The following DGKQ variants were observed in gnomAD, a reference collection of about 807,000 sequenced individuals.
DGKQ encodes the protein diacylglycerol kinase theta.
A neutral mutation model predicts 104.2 loss-of-function variants in DGKQ; 97 were observed. The observed-to-expected ratio is 0.93, with a 90% confidence interval of 0.79 to 1.10. The LOEUF is 1.10. DGKQ is among the 50% of genes least tolerant of loss of function. The probability of loss-of-function intolerance (pLI) is 0.00; values close to 1 mark genes in which losing one functional copy is unlikely to be tolerated. For synonymous variants in DGKQ, 736 were observed against 595.2 expected (o/e 1.24, Z -3.44); for missense variants, 1,465 against 1,352.1 (o/e 1.08, Z -1.31).
At position 962,555 on chromosome 4, in the gene DGKQ, G is replaced by A. The variant is rs748991346; in HGVS notation, c.2094C>T (p.Phe698=). ...WGAGYSGEDP[F]SVLLSVDEAD... ...CCTCGTCCACAGACAGCAGTACGGA[G>A]AACGGGTCCTCGCCGCTGTAGCCCG... Residue 698 remains phenylalanine, a synonymous_variant, in exon 18 of 23, where the codon TTC becomes TTT. Coordinates refer to ENST00000273814, the MANE Select transcript of DGKQ (RefSeq NM_001347.4). 28 of 1,610,194 alleles carry A rather than the reference G, an allele frequency of 1.7e-5. No homozygotes were observed. Among genetic ancestry groups the A allele is most frequent in the Admixed American group, 3.3e-5 (2 of 59,992 alleles).
Position 959,868 on chromosome 4 carries a change from T to G in DGKQ, c.*752A>C, listed in dbSNP as rs530479556. On this transcript the variant is annotated 3_prime_UTR_variant, in exon 23 of 23. Coordinates refer to ENST00000273814, the MANE Select transcript of DGKQ (RefSeq NM_001347.4). ...ACTCTGGTGCTGCCAGGGCAGCACC[T>G]GAGACCTCCTAGCCTCCACGTGGAC... 1.3e-5 allele frequency: 2 copies of G among 151,940 alleles called. No individual in the cohort carries two copies. The highest frequency in any genetic ancestry group is 2.0e-4 in the East Asian group (1 of 5,094). The allele number at this position is 151,940 out of a possible 1,614,324, so 9.4% of individuals were successfully genotyped here. A position where few individuals can be genotyped will look rare whatever the true frequency, so the allele number is the denominator to read the frequency against.
Position 961,777 on chromosome 4 carries a change from C to G in DGKQ, c.2373G>C (p.Arg791=). 6.2e-7 allele frequency: 1 copy of G among 1,611,560 alleles called. No homozygotes were observed. The highest frequency in any genetic ancestry group is 1.3e-5 in the African/African-American group (1 of 75,016). Reference sequence around the variant, plus strand: ...GCAGCCGGATCTGCTTGTGCAGGCTCCGAGAGTGACTGATCTTCTGCAGCC... The same window carrying G: ...GCAGCCGGATCTGCTTGTGCAGGCTGCGAGAGTGACTGATCTTCTGCAGCC... ...RVGLQKISHS[R]SLHKQIRLQV... is the part of the protein sequence containing the mutation. Residue 791 remains arginine (R), a synonymous_variant, in exon 20 of 23, where the codon CGG becomes CGC. Coordinates refer to ENST00000273814, the MANE Select transcript of DGKQ (RefSeq NM_001347.4).
At chr4:967,834 G>C (rs1193873400) in intron 6 of DGKQ, 32 bp from the exon 7 acceptor site, 1 of 1,553,026 alleles carries the variant, frequency 6.4e-7, no homozygotes, top group Non-Finnish European at 8.7e-7. Context: ...CCCTCATTCA[G>C]TGCGCAGCCC....
rs1201906337 is a variant in DGKQ at position 973,521 on chromosome 4, C to G, written c.-39G>C. 2.0e-6 allele frequency: 2 copies of G among 982,060 alleles called. No individual in the cohort carries two copies. The highest frequency in any genetic ancestry group is 1.2e-6 in the Non-Finnish European group (1 of 828,906). 60.8% of individuals were successfully genotyped at this position (982,060 alleles called of 1,614,324 possible). A position where few individuals can be genotyped will look rare whatever the true frequency, so the allele number is the denominator to read the frequency against. On this transcript the variant is annotated 5_prime_UTR_variant, in exon 1 of 23. Coordinates refer to ENST00000273814, the MANE Select transcript of DGKQ (RefSeq NM_001347.4). The stretch of plus-strand genomic sequence containing the variant: ...GGCCCGAGCCCCTTTAGGTCCGCGC[C>G]GGGGGTACAGGAGCCGCCGCTCCAC...
Position 962,456 on chromosome 4 carries a change from C to A in DGKQ, c.2193G>T (p.Thr731=). ...GTACCTTGGGGGGCTCTGCGTCTGC[C>A]GTGTCGTTCTCTGCACTGCCAGCCT... ...AHEAGSAEND[T]ADAEPPKIVQ... The change falls in exon 18 of 23, where the codon ACG becomes ACT. Residue 731 remains threonine, a synonymous_variant. Transcript: ENST00000273814. 6.3e-7 allele frequency: 1 copy of A among 1,592,734 alleles called. No homozygotes were observed.
rs1403326915 is a variant in DGKQ at position 973,537 on chromosome 4, G to GT, written c.-56_-55insA. 2.0e-6 allele frequency: 2 copies of GT among 983,516 alleles called. No individual in the cohort carries two copies. The highest frequency in any genetic ancestry group is 6.2e-5 in the Admixed American group (1 of 16,184). 60.9% of individuals were successfully genotyped at this position (983,516 alleles called of 1,614,324 possible). A position where few individuals can be genotyped will look rare whatever the true frequency, so the allele number is the denominator to read the frequency against. On this transcript the variant is annotated 5_prime_UTR_variant, in exon 1 of 23. Coordinates refer to ENST00000273814, the MANE Select transcript of DGKQ (RefSeq NM_001347.4). Reference sequence around the variant, plus strand: ...GGTCCGCGCCGGGGGTACAGGAGCCGCCGCTCCACGGCCCGGTACACTGCT... The same window carrying GT: ...GGTCCGCGCCGGGGGTACAGGAGCCGTCCGCTCCACGGCCCGGTACACTGCT...
chr4:959,609 G>A lies in DGKQ; in HGVS notation c.*1011C>T, dbSNP rs1711724440. ...GTCTCCACACGCTGACGAGGGATAG[G>A]ACTGAGCAGATGTCGGCTCACACAG... On this transcript the variant is annotated 3_prime_UTR_variant, in exon 23 of 23. Transcript: ENST00000273814. 1 of 152,548 alleles carries A rather than the reference G, an allele frequency of 6.6e-6. No individual in the cohort carries two copies. The highest frequency in any genetic ancestry group is 1.5e-5 in the Non-Finnish European group (1 of 68,252). 9.4% of individuals were successfully genotyped at this position (152,548 alleles called of 1,614,324 possible).
Position 962,082 on chromosome 4 carries a change from T to A in DGKQ, c.2215A>T (p.Ile739Phe). The A allele has an allele frequency of 6.2e-7, 1 of 1,610,726 alleles. No homozygotes were observed. Among genetic ancestry groups the A allele is most frequent in the Non-Finnish European group, 8.5e-7 (1 of 1,179,660 alleles). The change falls in exon 19 of 23, where the codon ATC becomes TTC. Residue 739 changes from isoleucine to phenylalanine, a missense_variant and splice_region_variant. Ile to Phe is a conservative substitution (Grantham distance 21). Coordinates refer to ENST00000273814, the MANE Select transcript of DGKQ (RefSeq NM_001347.4). ...CCACAGTAGTTACTCATCTGCACGA[T>A]CTGGGGACAGGGCGTTCATCTCCCA... ...NDTADAEPPK[I>F]VQMSNYCGIG... is the part of the protein sequence containing the mutation.
Position 961,541 on chromosome 4 carries a change from C to T in DGKQ, c.2500G>A (p.Asp834Asn), listed in dbSNP as rs529964347. 26 of 1,609,248 alleles carry T rather than the reference C, an allele frequency of 1.6e-5. No individual in the cohort carries two copies. The highest frequency in any genetic ancestry group is 4.5e-5 in the East Asian group (2 of 44,678). ...ATGCGTGGCTTCTCAAACCTGGTGT[C>T]GCTGTCGGAGCCCCACAGGTCGGCC... ...SGADLWGSDSDTRFEKPRMDD... is the reference protein window; with the variant it reads ...SGADLWGSDSNTRFEKPRMDD... Residue 834 changes from aspartate (D) to asparagine (N), a missense_variant, in exon 21 of 23, where the codon GAC becomes AAC. Transcript: ENST00000273814.
intron 12 of DGKQ, 47 bp downstream of exon 12, chr4:966,419 G>A: frequency 6.3e-7 from 1 of 1,595,894 alleles, no homozygotes; most frequent in Non-Finnish European, 8.6e-7. Context: ...AGAGGCTGTG[G>A]CTGAGGGCTG....
chr4:963,152 C>A lies in DGKQ; in HGVS notation c.1873G>T (p.Gly625Cys), dbSNP rs1254718017. 9 of 1,598,232 alleles carry A rather than the reference C, an allele frequency of 5.6e-6. No homozygotes were observed. Among genetic ancestry groups the A allele is most frequent in the Non-Finnish European group, 7.7e-6 (9 of 1,168,240 alleles). ...TGCTGGACTCACCCGGGAAGAGGAC[C>A]TCCGTTGGTCAGGTCGAAGACCTGA... is the stretch of plus-strand genomic sequence containing the variant. ...PHQVFDLTNGGPLPGLHLFSQ... is the reference protein window; with the variant it reads ...PHQVFDLTNGCPLPGLHLFSQ... Residue 625 changes from glycine (G) to cysteine (C), a missense_variant, in exon 16 of 23, where the codon GGT (glycine) becomes TGT (cysteine). By Grantham distance (159) the Gly-to-Cys change is radical. Transcript: ENST00000273814.
intron 16 of DGKQ, 88 bp downstream of exon 16, chr4:963,050 GC>G: frequency 6.7e-7 from 1 of 1,490,072 alleles, no homozygotes; most frequent in Non-Finnish European, 9.0e-7. Flanking sequence ...TCCCCGTGGA[GC>G]TCCTGCCGGC....
chr4:973,290 T>G lies in DGKQ; in HGVS notation c.193A>C (p.Lys65Gln). The G allele has an allele frequency of 1.3e-6, 2 of 1,525,010 alleles. No homozygotes were observed. The highest frequency in any genetic ancestry group is 2.8e-5 in the East Asian group (1 of 35,294). The allele number at this position is 1,525,010 out of a possible 1,614,324, so 94.5% of individuals were successfully genotyped here. ...PAAAPGHSFR[K>Q]VTLTKPTFCH... Reference sequence around the variant, plus strand: ...AAGGTGGGCTTGGTGAGCGTCACCTTCCGGAAGCTGTGTCCCGGCGCGGCA... The same window carrying G: ...AAGGTGGGCTTGGTGAGCGTCACCTGCCGGAAGCTGTGTCCCGGCGCGGCA... The change falls in exon 1 of 23, where the codon AAG (lysine) becomes CAG (glutamine). Residue 65 changes from lysine to glutamine, a missense_variant. Coordinates refer to ENST00000273814, the MANE Select transcript of DGKQ (RefSeq NM_001347.4).
chr4:962,181 C>T (rs1184686589), intron 18 of DGKQ, 99 bp from the exon 19 acceptor site: 4 of 1,144,832 alleles, frequency 3.5e-6, no homozygotes, highest in Non-Finnish European at 5.1e-6. Flanking sequence ...AGAGCAAGGA[C>T]CACCCTGGCA....
chr4:962,467 C>T lies in DGKQ; in HGVS notation c.2182G>A (p.Glu728Lys), dbSNP rs1711961404. 1 of 1,602,424 alleles carries T rather than the reference C, an allele frequency of 6.2e-7. No individual in the cohort carries two copies. The change falls in exon 18 of 23, where the codon GAG (glutamate) becomes AAG (lysine). Residue 728 changes from glutamate to lysine, a missense_variant. Glu to Lys is a moderately conservative substitution (Grantham distance 56). Coordinates refer to ENST00000273814, the MANE Select transcript of DGKQ (RefSeq NM_001347.4). Reference sequence around the variant, plus strand: ...GGCTCTGCGTCTGCCGTGTCGTTCTCTGCACTGCCAGCCTCGTGGGCATCC... The same window carrying T: ...GGCTCTGCGTCTGCCGTGTCGTTCTTTGCACTGCCAGCCTCGTGGGCATCC... ...LLDAHEAGSA[E>K]NDTADAEPPK...
chr4:964,952 T>A (rs1228384965), intron 15 of DGKQ, among the ~76,000 whole-genome samples: 1 of 152,052 alleles, frequency 6.6e-6, no homozygotes. Context: ...GGATGAGCGC[T>A]GACCCTCTGA....
At position 973,512 on chromosome 4, in the gene DGKQ, G is replaced by A. The variant is rs893125831; in HGVS notation, c.-30C>T. On this transcript the variant is annotated 5_prime_UTR_variant, in exon 1 of 23. Coordinates refer to ENST00000273814, the MANE Select transcript of DGKQ (RefSeq NM_001347.4). The stretch of plus-strand genomic sequence containing the variant: ...GGCCCGAGCGGCCCGAGCCCCTTTA[G>A]GTCCGCGCCGGGGGTACAGGAGCCG... 2.1e-5 allele frequency: 21 copies of A among 986,630 alleles called. No homozygotes were observed. The highest frequency in any genetic ancestry group is 2.4e-5 in the Non-Finnish European group (20 of 831,082). The allele number at this position is 986,630 out of a possible 1,614,324, so 61.1% of individuals were successfully genotyped here. A position where few individuals can be genotyped will look rare whatever the true frequency, so the allele number is the denominator to read the frequency against.
chr4:960,678 C>T lies in DGKQ; in HGVS notation c.2771G>A (p.Gly924Glu), dbSNP rs371649620. Residue 924 changes from glycine (G) to glutamate (E), a missense_variant, in exon 23 of 23, where the codon GGG becomes GAG. Physicochemically the swap from Gly to Glu is moderately conservative, Grantham distance 98. Transcript: ENST00000273814. ...ATCCGCCCGGGCATCCCTGGTGGTC[C>T]CGGCCCTCCTCGGCTTCTGCTTGGC... ...RKAKQKPRRA[G>E]TTRDARADAA... 3.7e-6 allele frequency: 6 copies of T among 1,612,208 alleles called. No homozygotes were observed. Among genetic ancestry groups the T allele is most frequent in the Non-Finnish European group, 5.1e-6 (6 of 1,179,826 alleles).
At position 970,990 on chromosome 4, in the gene DGKQ, C is replaced by T; in HGVS notation, c.351+3G>A. ...CAGGTGCAACACCCAGCCCCACACTCACCCGGACCAGGCTGGGTGCCACAC... is the reference window on the plus strand; with the variant it reads ...CAGGTGCAACACCCAGCCCCACACTTACCCGGACCAGGCTGGGTGCCACAC... On this transcript the variant is annotated splice_donor_region_variant and intron_variant, in intron 2 of 22. Transcript: ENST00000273814. 1.3e-6 allele frequency: 2 copies of T among 1,549,938 alleles called. No homozygotes were observed. The highest frequency in any genetic ancestry group is 1.7e-6 in the Non-Finnish European group (2 of 1,147,014).
Sources: allele counts gnomAD v4.1 joint callset (sites outside exome capture counted in the v4.1 genomes callset), GRCh38; gene constraint gnomAD v4.1.1; transcripts MANE v1.5; gene names NCBI Gene and HGNC (gene_info 2026-07-23, HGNC 2026-07-21).